VIRMA: variants seen among roughly 807,000 people sequenced by gnomAD.
VIRMA encodes vir like m6A methyltransferase associated.
In VIRMA, 65 loss-of-function variants were observed where a neutral mutation model predicts 182.4. The observed-to-expected ratio is 0.36, with a 90% confidence interval of 0.29 to 0.44. The LOEUF (loss-of-function observed/expected upper bound fraction) is 0.44. Ranked by LOEUF, VIRMA falls within the 20% of genes least tolerant of loss-of-function variation. The pLI is 1.00. For synonymous variants in VIRMA, 709 were observed against 743.1 expected, an observed-to-expected ratio of 0.95 and a Z score of 0.75; for missense variants, 1,752 against 2,158.1, an observed-to-expected ratio of 0.81 and a Z score of 3.73.
chr8:94,519,431 C>T lies in VIRMA; in HGVS notation c.2067G>A (p.Leu689=). 1 of 1,528,838 alleles carries T rather than the reference C, an allele frequency of 6.5e-7. No homozygotes were observed. Among genetic ancestry groups the T allele is most frequent in the Non-Finnish European group, 8.7e-7 (1 of 1,143,340 alleles). 94.7% of individuals were successfully genotyped at this position (1,528,838 alleles called of 1,614,324 possible). The change falls in exon 9 of 24, where the codon CTG becomes CTA. Residue 689 remains leucine (L), a synonymous_variant. Transcript: ENST00000297591. ...HHFLELVTLL[L]SIPVTSAHPG... ...GGTGAGCACTTGTTACTGGAATTGA[C>T]AGAAGCAAGGTAACCAACTCCAAGA...
chr8:94,510,060 T>C lies in VIRMA; in HGVS notation c.3627-120A>G, dbSNP rs903864989. ...AATTTTGCATAAAACATTTAATTCC[T>C]TGGGTATAATGACAAATTCTCTGGA... On this transcript the variant is annotated intron_variant, in intron 14 of 23. Coordinates refer to ENST00000297591, the MANE Select transcript of VIRMA (RefSeq NM_015496.5). 181 of 873,440 alleles carry C rather than the reference T, an allele frequency of 2.1e-4. 1 individual carries two copies. Among genetic ancestry groups the C allele is most frequent in the Non-Finnish European group, 2.7e-4 (159 of 589,902 alleles). The allele number at this position is 873,440 out of a possible 1,614,324, so 54.1% of individuals were successfully genotyped here.
In VIRMA at chr8:94,548,630, T is replaced by C. The variant is rs895165859; in HGVS notation, c.64-4688A>G. Among the ~76,000 whole-genome samples the C allele has an allele frequency of 9.5e-5, 14 of 146,858 alleles. No individual in the cohort carries two copies. The East Asian group carries it at 1.7e-3, about 18-fold the overall frequency. The stretch of plus-strand genomic sequence containing the variant: ...ATTGTATATGTTAACATTAGAGATA[T>C]AGTGTGCTTTTTTATATTTTTTTAT... On this transcript the variant is annotated intron_variant, in intron 1 of 23. Coordinates refer to ENST00000297591, the MANE Select transcript of VIRMA (RefSeq NM_015496.5).
Position 94,526,579 on chromosome 8 carries a change from T to C in VIRMA, c.1665A>G (p.Gln555=), listed in dbSNP as rs770636612. The C allele has an allele frequency of 4.8e-5, 77 of 1,613,814 alleles. No individual in the cohort carries two copies. The highest frequency in any genetic ancestry group is 6.1e-5 in the Non-Finnish European group (72 of 1,179,974). ...ACAAGACTTCATAGAAATGGCATTTTTGGAGAATAGCTGAACCAGCAGTAA... is the reference window on the plus strand; with the variant it reads ...ACAAGACTTCATAGAAATGGCATTTCTGGAGAATAGCTGAACCAGCAGTAA... ...RVVTAGSAIL[Q]KCHFYEVLSE... The change falls in exon 8 of 24, where the codon CAA becomes CAG. Residue 555 remains glutamine, a synonymous_variant. Transcript: ENST00000297591.
At chr8:94,519,692 TCAA>T (rs756195115) in intron 8 of VIRMA, among the ~76,000 whole-genome samples, 22 of 152,346 alleles carry the variant, frequency 1.4e-4, no homozygotes, top group Non-Finnish European at 2.9e-4. Flanking sequence ...TAGTTAGCAC[TCAA>T]CAGATGTTAA....
intron 1 of VIRMA, among the ~76,000 whole-genome samples, chr8:94,544,153 G>T (rs1394933597): frequency 6.6e-6 from 1 of 152,066 alleles, no homozygotes; most frequent in Non-Finnish European, 1.5e-5. Flanking sequence ...TTTCTGCCAT[G>T]CATTTACTTC....
rs774599394 is a variant in VIRMA at position 94,553,419 on chromosome 8, A to T, written c.29T>A (p.Leu10Ter). The T allele has an allele frequency of 1.9e-6, 3 of 1,614,122 alleles. No homozygotes were observed. Among genetic ancestry groups the T allele is most frequent in the Non-Finnish European group, 1.7e-6 (2 of 1,180,046 alleles). The change falls in exon 1 of 24, where the codon TTA becomes TAA. Residue 10 changes from leucine to a stop codon, truncating the protein, a stop_gained. Transcript: ENST00000297591. LOFTEE classifies it high-confidence loss of function. MAVDSAMEL[L>*]FLDTFKHPSA... The stretch of plus-strand genomic sequence containing the variant: ...CGGGTGTTTAAAAGTATCTAAAAAT[A>T]ACAGCTCCATCGCCGAGTCCACCGC...
chr8:94,535,733 T>C (rs112663717), intron 4 of VIRMA, among the ~76,000 whole-genome samples: 6,054 of 151,684 alleles, frequency 0.04, 130 homozygotes, highest in Non-Finnish European at 0.05. Context: ...TGAGCCAAGA[T>C]TGCGCCACTG....
Position 94,500,002 on chromosome 8 carries a change from G to A in VIRMA, c.4098-496C>T, listed in dbSNP as rs114824525. Among the ~76,000 whole-genome samples the A allele has an allele frequency of 4.9e-3, 653 of 133,686 alleles. 4 individuals carry two copies. Among genetic ancestry groups the A allele is most frequent in the African/African-American group, 0.018 (609 of 34,504 alleles). 87.7% of individuals were successfully genotyped at this position (133,686 alleles called of 152,430 possible). ...TGGGAGGCAGAGGTTGCAGCGAGCC[G>A]AAATCACGCCACTGCACTCCAGCTT... On this transcript the variant is annotated intron_variant, in intron 16 of 23. Transcript: ENST00000297591.
chr8:94,492,564 G>A (rs974506732), intron 21 of VIRMA, 88 bp downstream of exon 21: 40 of 1,175,620 alleles, frequency 3.4e-5, no homozygotes, highest in East Asian at 7.3e-5. Flanking sequence ...GAGCCACCGC[G>A]CTCGGCCGCA....
At chr8:94,541,178 A>G (rs1815540481) in intron 2 of VIRMA, among the ~76,000 whole-genome samples, 1 of 151,332 alleles carries the variant, frequency 6.6e-6, no homozygotes, top group Non-Finnish European at 1.5e-5. Context: ...CTGGAGGGCA[A>G]TGGCACAATC....
intron 20 of VIRMA, 27 bp downstream of exon 20, chr8:94,494,833 T>C (rs1813717850): frequency 3.2e-6 from 4 of 1,246,470 alleles, no homozygotes; most frequent in Non-Finnish European, 4.6e-6. Flanking sequence ...AATAACGTTT[T>C]TCTAAATATT....
At chr8:94,540,461 C>CTTTTTTTTTTTTTTT (rs963429701) in intron 2 of VIRMA, among the ~76,000 whole-genome samples, 25 of 128,604 alleles carry the variant, frequency 1.9e-4, no homozygotes, top group Admixed American at 3.3e-4. Flanking sequence ...TTCTTCTTTT[C>CTTTTTTTTTTTTTTT]TTTTTTTTTT....
At chr8:94,495,666 A>C (rs1586063207) in intron 19 of VIRMA, 65 bp downstream of exon 19, 3 of 1,388,644 alleles carry the variant, frequency 2.2e-6, no homozygotes, top group African/African-American at 2.9e-5. Context: ...GTTTGCTGGC[A>C]CCCCCTAGAC....
intron 2 of VIRMA, among the ~76,000 whole-genome samples, chr8:94,539,657 A>G (rs1815470874): frequency 6.6e-6 from 1 of 152,184 alleles, no homozygotes; most frequent in Non-Finnish European, 1.5e-5. Flanking sequence ...GCAATGTGGC[A>G]ATAAAATTCA....
intron 16 of VIRMA, among the ~76,000 whole-genome samples, chr8:94,501,257 A>C (rs1277297668): frequency 2.6e-5 from 1 of 38,932 alleles, no homozygotes; most frequent in Non-Finnish European, 5.1e-5. Context: ...TTCCATCTCA[A>C]AAAAAAAAAA....
intron 15 of VIRMA, among the ~76,000 whole-genome samples, chr8:94,507,895 ATATATATG>A (rs746921505): frequency 2.8e-4 from 42 of 148,830 alleles, no homozygotes; most frequent in African/African-American, 1.0e-3. Flanking sequence ...GTATATATGT[ATATATATG>A]TATATATGTA....
intron 2 of VIRMA, among the ~76,000 whole-genome samples, chr8:94,543,383 A>G (rs1212450793): frequency 7.2e-6 from 1 of 138,428 alleles, no homozygotes. Context: ...CCTGGACAAC[A>G]GGAGCAAAAC....
rs1471598558 is a variant in VIRMA at position 94,488,458 on chromosome 8, T to C, written c.*248A>G. 1.4e-5 allele frequency: 5 copies of C among 363,194 alleles called. No individual in the cohort carries two copies. Among genetic ancestry groups the C allele is most frequent in the Non-Finnish European group, 1.5e-5 (3 of 200,024 alleles). The allele number at this position is 363,194 out of a possible 1,614,324, so 22.5% of individuals were successfully genotyped here. A position where few individuals can be genotyped will look rare whatever the true frequency, so the allele number is the denominator to read the frequency against. On this transcript the variant is annotated 3_prime_UTR_variant, in exon 24 of 24. Transcript: ENST00000297591. Reference sequence around the variant, plus strand: ...AAGAAAAATACAAAACATCATTTAGTTTTTCACCTAGAAATTTTCTAAATA... The same window carrying C: ...AAGAAAAATACAAAACATCATTTAGCTTTTCACCTAGAAATTTTCTAAATA...
At chr8:94,542,680 A>C (rs921241260) in intron 2 of VIRMA, among the ~76,000 whole-genome samples, 2 of 152,222 alleles carry the variant, frequency 1.3e-5, no homozygotes, top group African/African-American at 4.8e-5. Flanking sequence ...CGTATAGGGA[A>C]ACTTGAGTTA....
Sources: gnomAD v4.1 joint callset for allele counts (sites outside exome capture counted in the v4.1 genomes callset) on GRCh38, gnomAD v4.1.1 for gene constraint, MANE v1.5 for transcripts, NCBI Gene and HGNC (gene_info 2026-07-23, HGNC 2026-07-21) for gene names.